Variants in L3MBTL3 observed in about 807,000 individuals in gnomAD.
L3MBTL3 encodes lethal(3)malignant brain tumor-like protein 3.
A neutral mutation model predicts 102.3 loss-of-function variants in L3MBTL3; 27 were observed. That is an observed-to-expected ratio of 0.26 (90% CI 0.19 to 0.36). L3MBTL3 has a LOEUF of 0.36. L3MBTL3 is among the 10% of genes least tolerant of loss of function. L3MBTL3 has a pLI of 1.00. For synonymous variants in L3MBTL3, 340 were observed against 320.9 expected (o/e 1.06, Z -0.64); for missense variants, 798 against 955.3 (o/e 0.84, Z 2.17).
chr6:130,024,589 T>C (rs566109712), intron 2 of L3MBTL3, among the ~76,000 whole-genome samples: 1 of 152,326 alleles, frequency 6.6e-6, no homozygotes, highest in South Asian at 2.1e-4. Flanking sequence ...CTGTTTATAG[T>C]AGTGCAGTTA....
Position 130,051,371 on chromosome 6 carries a change from T to C in L3MBTL3, c.412T>C (p.Tyr138His). The C allele has an allele frequency of 6.2e-7, 1 of 1,614,102 alleles. No homozygotes were observed. Among genetic ancestry groups the C allele is most frequent in the Non-Finnish European group, 8.5e-7 (1 of 1,179,936 alleles). Residue 138 changes from tyrosine (Y) to histidine (H), a missense_variant, in exon 6 of 23, where the codon TAT becomes CAT. By Grantham distance (83) the Tyr-to-His change is moderately conservative (BLOSUM62 2). Around this residue, in one of 4 missense-constraint regions of L3MBTL3, gnomAD observed 434 missense variants for 506.6 expected, o/e 0.86. Coordinates refer to ENST00000361794, the MANE Select transcript of L3MBTL3 (RefSeq NM_032438.4). ...NVDECLSGGN[Y>H]CSQNCARHIK... ...AGATGAGTGTCTTTCTGGAGGAAAC[T>C]ATTGCAGCCAGAATTGTGCTCGGCA...
chr6:130,036,245 G>A (rs934446918), intron 2 of L3MBTL3, among the ~76,000 whole-genome samples: 1 of 152,160 alleles, frequency 6.6e-6, no homozygotes, highest in African/African-American at 2.4e-5. Context: ...AATAATATTG[G>A]TTCCTGGCTG....
At chr6:130,135,505 TTC>T (rs1562346679) in intron 22 of L3MBTL3, among the ~76,000 whole-genome samples, 2 of 152,196 alleles carry the variant, frequency 1.3e-5, no homozygotes, top group Non-Finnish European at 2.9e-5. Flanking sequence ...CTTTTATAAC[TTC>T]TGTTTTTTTA....
At chr6:130,074,183 T>C (rs1782810479) in intron 13 of L3MBTL3, among the ~76,000 whole-genome samples, 1 of 152,226 alleles carries the variant, frequency 6.6e-6, no homozygotes, top group African/African-American at 2.4e-5. Context: ...CTTTATCTCT[T>C]TTTTACATTA....
intron 20 of L3MBTL3, among the ~76,000 whole-genome samples, chr6:130,123,934 A>G (rs1212720477): frequency 6.6e-6 from 1 of 152,146 alleles, no homozygotes; most frequent in Admixed American, 6.6e-5. Flanking sequence ...TGAGTGCCTT[A>G]TATGGGGTTC....
At chr6:130,051,494 G>T (rs773724121) in intron 6 of L3MBTL3, 86 bp downstream of exon 6, 1 of 1,232,624 alleles carries the variant, frequency 8.1e-7, no homozygotes, top group Non-Finnish European at 1.2e-6. Flanking sequence ...TTATGCTCTC[G>T]GACATTGATC....
chr6:130,086,947 A>G (rs888147276), intron 16 of L3MBTL3, among the ~76,000 whole-genome samples: 6 of 152,208 alleles, frequency 3.9e-5, no homozygotes, highest in Admixed American at 6.5e-5. Flanking sequence ...AATGTACATG[A>G]TGTTTTACAG....
At chr6:130,108,110 C>G (rs958939403) in intron 19 of L3MBTL3, among the ~76,000 whole-genome samples, 2 of 150,690 alleles carry the variant, frequency 1.3e-5, no homozygotes, top group Non-Finnish European at 1.5e-5. Flanking sequence ...CTCAATAGCT[C>G]TTCACTTTGA....
chr6:130,054,306 C>T (rs1426456074), intron 7 of L3MBTL3, among the ~76,000 whole-genome samples: 1 of 152,100 alleles, frequency 6.6e-6, no homozygotes, highest in Non-Finnish European at 1.5e-5. Context: ...TTATGGTAAA[C>T]AAGAGTCGAG....
At chr6:130,125,277 T>C (rs940041834) in intron 20 of L3MBTL3, among the ~76,000 whole-genome samples, 3 of 152,262 alleles carry the variant, frequency 2.0e-5, no homozygotes, top group Non-Finnish European at 4.4e-5. Flanking sequence ...GAGTGTGCTA[T>C]TTACTGCCTT....
At chr6:130,032,997 A>G (rs1203824190) in intron 2 of L3MBTL3, among the ~76,000 whole-genome samples, 1 of 152,214 alleles carries the variant, frequency 6.6e-6, no homozygotes, top group African/African-American at 2.4e-5. Flanking sequence ...TGTCTCAAAA[A>G]CATGCAAAAA....
intron 2 of L3MBTL3, among the ~76,000 whole-genome samples, chr6:130,027,303 A>G (rs1779415979): frequency 6.6e-6 from 1 of 152,196 alleles, no homozygotes; most frequent in South Asian, 2.1e-4. Context: ...GACCTTTTAA[A>G]GGCTGGACCA....
chr6:130,055,281 C>T, intron 8 of L3MBTL3, 26 bp downstream of exon 8: 2 of 1,549,898 alleles, frequency 1.3e-6, no homozygotes, highest in Non-Finnish European at 8.8e-7. Flanking sequence ...TAAAGTCTTA[C>T]TTGTAACTTT....
intron 19 of L3MBTL3, among the ~76,000 whole-genome samples, chr6:130,117,701 C>A (rs939391773): frequency 6.6e-6 from 1 of 151,792 alleles, no homozygotes; most frequent in Non-Finnish European, 1.5e-5. Context: ...AACAATTTTT[C>A]TTGTTTTTTT....
At chr6:130,058,193 A>G (rs902712498) in intron 9 of L3MBTL3, among the ~76,000 whole-genome samples, 1 of 151,346 alleles carries the variant, frequency 6.6e-6, no homozygotes, top group African/African-American at 2.4e-5. Context: ...ACTACGATTT[A>G]CATATTATCA....
At chr6:130,136,706 C>T (rs936546557) in intron 22 of L3MBTL3, among the ~76,000 whole-genome samples, 1 of 152,106 alleles carries the variant, frequency 6.6e-6, no homozygotes, top group African/African-American at 2.4e-5. Context: ...CAACCTCTGC[C>T]TCCCAGGTTC....
At chr6:130,135,110 C>T (rs1051245474) in intron 22 of L3MBTL3, among the ~76,000 whole-genome samples, 5 of 137,372 alleles carry the variant, frequency 3.6e-5, no homozygotes, top group Non-Finnish European at 6.1e-5. Flanking sequence ...TGGAGTCTTG[C>T]TCTTCTCTCC....
At chr6:130,028,832 A>C (rs1187704322) in intron 2 of L3MBTL3, among the ~76,000 whole-genome samples, 1 of 152,238 alleles carries the variant, frequency 6.6e-6, no homozygotes, top group African/African-American at 2.4e-5. Flanking sequence ...ACTGACACTT[A>C]TATAAGGAGA....
At chr6:130,031,777 A>G (rs1031768035) in intron 2 of L3MBTL3, among the ~76,000 whole-genome samples, 6 of 152,162 alleles carry the variant, frequency 3.9e-5, no homozygotes, top group African/African-American at 1.4e-4. Context: ...TTGCTTTATA[A>G]AGAAATTGGC....
Sources: gnomAD v4.1 joint callset for allele counts (sites outside exome capture counted in the v4.1 genomes callset) on GRCh38, gnomAD v4.1.1 for gene constraint, gnomAD v4.1.1 regional missense constraint, MANE v1.5 for transcripts, NCBI Gene and HGNC (gene_info 2026-07-23, HGNC 2026-07-21) for gene names.